The following DGKI variants were observed in gnomAD, a reference collection of about 807,000 sequenced individuals.
DGKI encodes the protein DAG kinase iota.
Under a neutral mutation model 147.5 loss-of-function variants are expected in DGKI, and 55 were observed. The observed-to-expected ratio is 0.37, with a 90% confidence interval of 0.30 to 0.47. The LOEUF (loss-of-function observed/expected upper bound fraction) is 0.47, where lower values mean the gene tolerates loss of function less well. DGKI is among the 20% of genes least tolerant of loss of function. The pLI is 1.00. For missense variants in DGKI, 1,007 were observed against 1,323.8 expected, an observed-to-expected ratio of 0.76 and a Z score of 3.71; for synonymous variants, 469 against 477.1, an observed-to-expected ratio of 0.98 and a Z score of 0.22.
chr7:137,601,258 G>C (rs111500045), intron 10 of DGKI, among the ~76,000 whole-genome samples: 3 of 150,984 alleles, frequency 2.0e-5, no homozygotes, highest in Non-Finnish European at 4.4e-5. Flanking sequence ...GTGAAAGAGC[G>C]AGACTCTGTC....
intron 6 of DGKI, among the ~76,000 whole-genome samples, chr7:137,636,241 G>T (rs1821308514): frequency 6.6e-6 from 1 of 152,188 alleles, no homozygotes; most frequent in Non-Finnish European, 1.5e-5. Context: ...CCGCCTACCA[G>T]GTAGGTCACC....
At chr7:137,459,070 A>G (rs113104736) in intron 27 of DGKI, among the ~76,000 whole-genome samples, 5 of 152,198 alleles carry the variant, frequency 3.3e-5, no homozygotes, top group Non-Finnish European at 7.3e-5. Context: ...GGATCTGCAT[A>G]TAAGTAGGTA....
chr7:137,829,395 T>G (rs534396750), intron 1 of DGKI, among the ~76,000 whole-genome samples: 9 of 152,318 alleles, frequency 5.9e-5, no homozygotes, highest in African/African-American at 2.2e-4. Flanking sequence ...AACTTCATCA[T>G]TCAAGGTTAT....
chr7:137,587,949 A>T (rs1304431268), intron 12 of DGKI, among the ~76,000 whole-genome samples: 1 of 152,198 alleles, frequency 6.6e-6, no homozygotes, highest in Non-Finnish European at 1.5e-5. Flanking sequence ...GTTTAGTCTT[A>T]TAACTAATTA....
At chr7:137,570,244 T>A (rs1369919144) in intron 19 of DGKI, among the ~76,000 whole-genome samples, 2 of 152,198 alleles carry the variant, frequency 1.3e-5, no homozygotes, top group Admixed American at 1.3e-4. Context: ...TAAGCATAAT[T>A]TTAACTGGTC....
At chr7:137,437,205 G>A (rs10268638) in intron 28 of DGKI, among the ~76,000 whole-genome samples, 65,464 of 151,922 alleles carry the variant, frequency 0.43, 14,931 homozygotes, top group East Asian at 0.74. Context: ...TGGAAAGGAC[G>A]AAACAAAATT....
At chr7:137,508,722 T>G (rs1439267955) in intron 21 of DGKI, among the ~76,000 whole-genome samples, 2 of 152,064 alleles carry the variant, frequency 1.3e-5, no homozygotes, top group Non-Finnish European at 2.9e-5. Flanking sequence ...GTAAACATCA[T>G]GAAAGACAGA....
chr7:137,408,137 G>GT, intron 29 of DGKI, 142 bp from the exon 30 acceptor site: 1 of 949,200 alleles, frequency 1.1e-6, no homozygotes, highest in Non-Finnish European at 1.5e-6. Flanking sequence ...AAAAGGTGAA[G>GT]TAACATTCCT....
rs1585243810 is a variant in DGKI at position 137,572,619 on chromosome 7, A to G, written c.1835+146T>C. 1.2e-5 allele frequency: 7 copies of G among 595,272 alleles called. No homozygotes were observed. In the Middle Eastern group the frequency reaches 9.0e-4, roughly 77 times the overall value. The allele number at this position is 595,272 out of a possible 1,614,324, so 36.9% of individuals were successfully genotyped here. On this transcript the variant is annotated intron_variant, in intron 18 of 32. Transcript: ENST00000614521. The stretch of plus-strand genomic sequence containing the variant: ...AACACTAAATAAACCAAATCGGAGA[A>G]TGAATTATCAGACCTAGAAATCTTT...
rs1363610332 is a variant in DGKI, at chr7:137,407,939, A to C, written c.2856T>G (p.Cys952Trp). The change falls in exon 30 of 33, where the codon TGT (cysteine) becomes TGG (tryptophan). Residue 952 changes from cysteine to tryptophan, a missense_variant. By Grantham distance (215) the Cys-to-Trp change is radical. Around this residue, in one of 5 missense-constraint regions of DGKI, gnomAD observed 385 missense variants for 445.2 expected, o/e 0.86. Transcript: ENST00000614521. ...GSLLIQGPDHCSLLHYAAKTG... is the reference protein window; with the variant it reads ...GSLLIQGPDHWSLLHYAAKTG... The stretch of plus-strand genomic sequence containing the variant: ...TTTTAGCTGCGTAGTGAAGGAGTGA[A>C]CAGTGGTCTGGTCCCTGAATTAGCA... 6.2e-7 allele frequency: 1 copy of C among 1,614,006 alleles called. No homozygotes were observed. The highest frequency in any genetic ancestry group is 1.3e-5 in the African/African-American group (1 of 74,936).
rs1004222490 is a variant in DGKI at position 137,390,955 on chromosome 7, T to G, written c.*265A>C. 4 of 463,424 alleles carry G rather than the reference T, an allele frequency of 8.6e-6. No homozygotes were observed. Among genetic ancestry groups the G allele is most frequent in the African/African-American group, 8.1e-5 (4 of 49,316 alleles). 28.7% of individuals were successfully genotyped at this position (463,424 alleles called of 1,614,324 possible). ...GGTGAACACAGAAGTTCATGCTACT[T>G]GCTGGAAGCAATAAGGATCAAATTT... is the stretch of plus-strand genomic sequence containing the variant. On this transcript the variant is annotated 3_prime_UTR_variant, in exon 33 of 33. Transcript: ENST00000614521.
At chr7:137,836,729 C>CA (rs1238822698) in intron 1 of DGKI, among the ~76,000 whole-genome samples, 3 of 152,026 alleles carry the variant, frequency 2.0e-5, no homozygotes, top group South Asian at 2.1e-4. Flanking sequence ...ATAGTTTTTA[C>CA]AAAAAAACAC....
intron 17 of DGKI, among the ~76,000 whole-genome samples, chr7:137,574,215 A>C (rs1454028957): frequency 6.6e-6 from 1 of 152,240 alleles, no homozygotes; most frequent in Non-Finnish European, 1.5e-5. Context: ...TTTCCAAGAA[A>C]TCTTACAATT....
At position 137,438,000 on chromosome 7, in the gene DGKI, C is replaced by A. The variant is rs1015260379; in HGVS notation, c.2761+6077G>T. 8.5e-5 allele frequency among the ~76,000 whole-genome samples: 13 copies of A among 152,100 alleles called. 1 individual carries two copies. The highest frequency in any genetic ancestry group is 3.3e-4 in the Admixed American group (5 of 15,282). On this transcript the variant is annotated intron_variant, in intron 28 of 32. Coordinates refer to ENST00000614521, the MANE Select transcript of DGKI (RefSeq NM_001321708.2). ...TTCTAAAAATTTTACAAGACAATAT[C>A]TTTATGATTATGCTTTGAAAGATTT...
At chr7:137,680,550 C>A (rs936439312) in intron 2 of DGKI, among the ~76,000 whole-genome samples, 1 of 152,126 alleles carries the variant, frequency 6.6e-6, no homozygotes, top group African/African-American at 2.4e-5. Flanking sequence ...GAGGCTGAGG[C>A]AGGCAAATCA....
chr7:137,417,417 A>G (rs1812399725), intron 28 of DGKI, among the ~76,000 whole-genome samples: 1 of 152,224 alleles, frequency 6.6e-6, no homozygotes, highest in African/African-American at 2.4e-5. Context: ...TGTATCTTCA[A>G]ATAAATTGTT....
chr7:137,621,165 T>C (rs1042400052), intron 7 of DGKI, among the ~76,000 whole-genome samples: 1 of 152,202 alleles, frequency 6.6e-6, no homozygotes, highest in Non-Finnish European at 1.5e-5. Context: ...AAAATACTGG[T>C]AAAATAATTA....
At chr7:137,632,335 A>G (rs1220321212) in intron 6 of DGKI, among the ~76,000 whole-genome samples, 1 of 152,208 alleles carries the variant, frequency 6.6e-6, no homozygotes, top group African/African-American at 2.4e-5. Context: ...CATTGATTGA[A>G]GGAGAGGGTA....
chr7:137,807,380 G>A (rs1257274831), intron 1 of DGKI, among the ~76,000 whole-genome samples: 1 of 152,198 alleles, frequency 6.6e-6, no homozygotes, highest in African/African-American at 2.4e-5. Context: ...TGACATCTAG[G>A]TACATTTGGA....
Sources: allele counts gnomAD v4.1 joint callset (sites outside exome capture counted in the v4.1 genomes callset), GRCh38; gene constraint gnomAD v4.1.1; regional missense constraint gnomAD v4.1.1; transcripts MANE v1.5; gene names NCBI Gene and HGNC (gene_info 2026-07-23, HGNC 2026-07-21).